The following NXN variants were observed in gnomAD, a reference collection of about 807,000 sequenced individuals.
The protein encoded by NXN is nucleoredoxin.
In NXN, 16 loss-of-function variants were observed where a neutral mutation model predicts 48.6. The ratio of observed to expected loss-of-function variants is 0.33; its 90% CI spans 0.22 to 0.50. NXN has a LOEUF of 0.50. NXN is among the 20% of genes least tolerant of loss of function. NXN has a pLI of 0.98. For missense variants in NXN, 492 were observed against 605.5 expected (o/e 0.81, Z 1.97); for synonymous variants, 281 against 269.6 (o/e 1.04, Z -0.41).
intron 1 of NXN, among the ~76,000 whole-genome samples, chr17:962,320 A>G (rs79655608): frequency 0.025 from 3,842 of 152,236 alleles, 173 homozygotes; most frequent in African/African-American, 0.088. Flanking sequence ...GGAGCTCACA[A>G]TCTGAAACAA....
chr17:827,472 A>G (rs970923624), intron 1 of NXN, among the ~76,000 whole-genome samples: 3 of 152,050 alleles, frequency 2.0e-5, no homozygotes, highest in Non-Finnish European at 4.4e-5. Flanking sequence ...AATTACAAAA[A>G]ATTAGCCGGG....
chr17:805,956 C>T (rs1289534667), intron 5 of NXN, among the ~76,000 whole-genome samples: 3 of 152,154 alleles, frequency 2.0e-5, no homozygotes, highest in Non-Finnish European at 2.9e-5. Flanking sequence ...GGGTCAAACA[C>T]GGAACAGGCA....
intron 1 of NXN, among the ~76,000 whole-genome samples, chr17:873,750 C>A (rs1386055968): frequency 6.6e-6 from 1 of 152,044 alleles, no homozygotes; most frequent in African/African-American, 2.4e-5. Flanking sequence ...AAAAATATAT[C>A]CTCCTACAGT....
intron 1 of NXN, among the ~76,000 whole-genome samples, chr17:835,083 C>A (rs371324542): frequency 3.3e-5 from 5 of 151,120 alleles, no homozygotes; most frequent in African/African-American, 4.8e-5. Context: ...CCGAGGCGGG[C>A]GGATCACAAG....
At chr17:895,584 G>A (rs12950617) in intron 1 of NXN, among the ~76,000 whole-genome samples, 41,656 of 149,974 alleles carry the variant, frequency 0.28, 6,279 homozygotes, top group Middle Eastern at 0.45. Context: ...AGGTCGAGGT[G>A]GGCGGATCAC....
chr17:917,211 G>A lies in NXN; in HGVS notation c.360+62108C>T, dbSNP rs1033224930. ...GGCTGGAGTGCAATGGCGCGACCTCGGCTCGCCGTGGCCTCCGCCTCGCGG... is the reference window on the plus strand; with the variant it reads ...GGCTGGAGTGCAATGGCGCGACCTCAGCTCGCCGTGGCCTCCGCCTCGCGG... On this transcript the variant is annotated intron_variant, in intron 1 of 7. Transcript: ENST00000336868. This position sits in a 1 kb window ranked among gnomAD's most constrained non-coding sequence, Gnocchi z 4.5. Among the ~76,000 whole-genome samples the A allele has an allele frequency of 2.0e-5, 3 of 151,180 alleles. No individual in the cohort carries two copies. The highest frequency in any genetic ancestry group is 6.6e-5 in the Admixed American group (1 of 15,162).
intron 1 of NXN, among the ~76,000 whole-genome samples, chr17:841,575 G>A (rs956362741): frequency 3.5e-5 from 4 of 113,102 alleles, no homozygotes; most frequent in African/African-American, 8.0e-5. Context: ...TGACCACGGA[G>A]CATCTCACGC....
At chr17:913,180 T>C (rs1366463865) in intron 1 of NXN, among the ~76,000 whole-genome samples, 1 of 152,138 alleles carries the variant, frequency 6.6e-6, no homozygotes, top group Non-Finnish European at 1.5e-5. Flanking sequence ...TAACTTCTTA[T>C]TAGGAGAAGT....
intron 1 of NXN, among the ~76,000 whole-genome samples, chr17:876,249 G>GAAGAGAAGAAAAGAA (rs776299390): frequency 3.3e-5 from 5 of 150,198 alleles, no homozygotes; most frequent in African/African-American, 7.4e-5. Context: ...GAAGAGAAGA[G>GAAGAGAAGAAAAGAA]AAGAAAAGAA....
At chr17:835,135 T>C (rs11652252) in intron 1 of NXN, among the ~76,000 whole-genome samples, 19,673 of 150,830 alleles carry the variant, frequency 0.13, 1,413 homozygotes, top group Non-Finnish European at 0.15. Flanking sequence ...GGTGAAACCC[T>C]GTCTCTACTA....
chr17:840,086 G>A (rs185593978), intron 1 of NXN, among the ~76,000 whole-genome samples: 1,564 of 135,352 alleles, frequency 0.012, 25 homozygotes, highest in African/African-American at 0.041. Context: ...GACAGAGCGA[G>A]ACTGTCTCAA....
At chr17:827,305 C>G (rs919864775) in intron 1 of NXN, among the ~76,000 whole-genome samples, 5 of 151,278 alleles carry the variant, frequency 3.3e-5, no homozygotes, top group African/African-American at 9.7e-5. Flanking sequence ...GGTGAAACCC[C>G]GTCTCTACTA....
chr17:894,041 A>T (rs2068452833), intron 1 of NXN, among the ~76,000 whole-genome samples: 1 of 104,220 alleles, frequency 9.6e-6, no homozygotes, highest in Non-Finnish European at 2.0e-5. Flanking sequence ...AGCCAGAGGA[A>T]GCATCTCAAC....
intron 5 of NXN, among the ~76,000 whole-genome samples, chr17:805,825 A>G (rs1284151976): frequency 2.0e-5 from 3 of 151,920 alleles, no homozygotes; most frequent in Non-Finnish European, 4.4e-5. Flanking sequence ...ACAACAGAGC[A>G]AGATTCTGTC....
chr17:943,350 ACGGAGGT>A (rs1163344357), intron 1 of NXN, among the ~76,000 whole-genome samples: 1 of 152,102 alleles, frequency 6.6e-6, no homozygotes, highest in Non-Finnish European at 1.5e-5. Context: ...AGGAGGCTCC[ACGGAGGT>A]CGACTGGCCA....
Position 849,573 on chromosome 17 carries a change from G to A in NXN, c.361-23495C>T, listed in dbSNP as rs2067901668. 6.6e-6 allele frequency among the ~76,000 whole-genome samples: 1 copy of A among 151,980 alleles called. No individual in the cohort carries two copies. Among genetic ancestry groups the A allele is most frequent in the Non-Finnish European group, 1.5e-5 (1 of 68,000 alleles). On this transcript the variant is annotated intron_variant, in intron 1 of 7. Transcript: ENST00000336868. The surrounding 1 kb of genome is among the most constrained non-coding windows in gnomAD (Gnocchi z 4.2). ...GCGTGCTAGGAGCAGGCTCCAGGAG[G>A]GCACCGCACTGGCCCTCTCAGCCTC...
In NXN at chr17:956,590, T is replaced by C. The variant is rs941876192; in HGVS notation, c.360+22729A>G. Among the ~76,000 whole-genome samples, 1 of 152,038 alleles carries C rather than the reference T, an allele frequency of 6.6e-6. No homozygotes were observed. The highest frequency in any genetic ancestry group is 2.4e-5 in the African/African-American group (1 of 41,400). On this transcript the variant is annotated intron_variant, in intron 1 of 7. Transcript: ENST00000336868. This position sits in a 1 kb window ranked among gnomAD's most constrained non-coding sequence, Gnocchi z 4.1. ...CACCACGTCCGGCTAATTTTTTGTA[T>C]TTTTAGTAGCAATGGGGTTTCACCG...
At chr17:811,513 G>C (rs970629111) in intron 5 of NXN, among the ~76,000 whole-genome samples, 8 of 152,082 alleles carry the variant, frequency 5.3e-5, no homozygotes, top group African/African-American at 1.7e-4. Context: ...CGGGGTTGGG[G>C]GGGGGGCAGC....
chr17:803,756 T>G lies in NXN; in HGVS notation c.1051A>C (p.Ile351Leu). The G allele has an allele frequency of 1.9e-6, 3 of 1,614,196 alleles. No individual in the cohort carries two copies. In the South Asian group the frequency reaches 3.3e-5, roughly 18 times the overall value. Residue 351 changes from isoleucine to leucine, a missense_variant, in exon 7 of 8, where the codon ATA becomes CTA. Ile to Leu is a conservative substitution (Grantham distance 5). Around this residue, in one of 3 missense-constraint regions of NXN, gnomAD observed 303 missense variants for 388.3 expected, o/e 0.78. Transcript: ENST00000336868. ...TACTTGGCAATGATTTTCTCAGCTA[T>G]CGGCTGAATCAGCTGCTTGGCCGCC... ...SEAAKQLIQP[I>L]AEKIIAKYKA...
Sources: allele counts gnomAD v4.1 joint callset (sites outside exome capture counted in the v4.1 genomes callset), GRCh38; gene constraint gnomAD v4.1.1; regional missense constraint gnomAD v4.1.1; non-coding constraint Gnocchi (gnomAD v3.1); transcripts MANE v1.5; gene names NCBI Gene and HGNC (gene_info 2026-07-23, HGNC 2026-07-21).